The following CASZ1 variants were observed in gnomAD, a reference collection of about 807,000 sequenced individuals.
The protein encoded by CASZ1 is castor zinc finger 1.
Under a neutral mutation model 135.2 loss-of-function variants are expected in CASZ1, and 28 were observed. That is an observed-to-expected ratio of 0.21 (90% CI 0.15 to 0.28). CASZ1 has a LOEUF of 0.28. CASZ1 is among the 10% of genes least tolerant of loss of function. The pLI is 1.00. For synonymous variants in CASZ1, 1,068 were observed against 1,073.4 expected (o/e 0.99, Z 0.10); for missense variants, 2,161 against 2,453.3 (o/e 0.88, Z 2.52).
chr1:10,664,237 G>A (rs960271850), intron 5 of CASZ1, among the ~76,000 whole-genome samples: 2 of 152,156 alleles, frequency 1.3e-5, no homozygotes, highest in African/African-American at 2.4e-5. Flanking sequence ...CAGGGGAGGC[G>A]CAGGGCACCG....
intron 4 of CASZ1, among the ~76,000 whole-genome samples, chr1:10,682,690 G>A (rs1247266957): frequency 6.6e-6 from 1 of 152,072 alleles, no homozygotes; most frequent in Non-Finnish European, 1.5e-5. Context: ...TCTGTCCCTG[G>A]GCCCCCCAGG....
At chr1:10,665,641 GC>G (rs1474276220) in intron 4 of CASZ1, 70 bp from the exon 5 acceptor site, 1 of 1,439,106 alleles carries the variant, frequency 6.9e-7, no homozygotes. Context: ...CTCCCGAACA[GC>G]CCTGCATCCC....
intron 2 of CASZ1, among the ~76,000 whole-genome samples, chr1:10,713,368 A>T (rs1639321852): frequency 6.6e-6 from 1 of 152,178 alleles, no homozygotes; most frequent in African/African-American, 2.4e-5. Flanking sequence ...TCAAATCTTT[A>T]ATAAATAATT....
chr1:10,753,631 A>C (rs952727200), intron 2 of CASZ1, among the ~76,000 whole-genome samples: 1 of 152,156 alleles, frequency 6.6e-6, no homozygotes, highest in Non-Finnish European at 1.5e-5. Context: ...GCTTAAAGTG[A>C]CAAGACCCTG....
chr1:10,754,089 G>T (rs1002966588), intron 2 of CASZ1, among the ~76,000 whole-genome samples: 1 of 152,026 alleles, frequency 6.6e-6, no homozygotes, highest in South Asian at 2.1e-4. Context: ...TACAGATATC[G>T]ATTAGGTTGG....
chr1:10,705,118 C>T (rs1057308236), intron 3 of CASZ1, among the ~76,000 whole-genome samples: 1 of 152,222 alleles, frequency 6.6e-6, no homozygotes, highest in African/African-American at 2.4e-5. Flanking sequence ...CGTCCAGGCA[C>T]AGCCGGCCAC....
intron 5 of CASZ1, among the ~76,000 whole-genome samples, chr1:10,663,849 G>A (rs1017390347): frequency 2.0e-5 from 3 of 152,212 alleles, no homozygotes; most frequent in South Asian, 2.1e-4. Flanking sequence ...TGCCAGCCCC[G>A]CTCTCCACTC....
intron 1 of CASZ1, among the ~76,000 whole-genome samples, chr1:10,785,989 A>T (rs1180691386): frequency 6.6e-6 from 1 of 152,214 alleles, no homozygotes; most frequent in African/African-American, 2.4e-5. Flanking sequence ...CAAGTGGAGG[A>T]AACACAATTC....
intron 4 of CASZ1, among the ~76,000 whole-genome samples, chr1:10,689,410 G>A (rs1188061631): frequency 6.6e-6 from 1 of 152,220 alleles, no homozygotes; most frequent in African/African-American, 2.4e-5. Flanking sequence ...TGGGGCTGTG[G>A]GGGCTGGGGG....
chr1:10,792,330 C>CCG lies in CASZ1; in HGVS notation c.-234+4233_-234+4234insCG, dbSNP rs1640974063. ...ACATGGCTTACCCCTCCCCCCCGCCCCCCCCCCCCCGGCCCCGCACACAAA... is the reference window on the plus strand; with the variant it reads ...ACATGGCTTACCCCTCCCCCCCGCCCCGCCCCCCCCCCGGCCCCGCACACAAA... On this transcript the variant is annotated intron_variant, in intron 1 of 20. Transcript: ENST00000377022. Among the ~76,000 whole-genome samples, 5 of 26,148 alleles carry CCG rather than the reference C, an allele frequency of 1.9e-4. 1 individual carries two copies. The highest frequency in any genetic ancestry group is 5.4e-4 in the African/African-American group (4 of 7,376). The allele number at this position is 26,148 out of a possible 152,430, so 17.2% of individuals were successfully genotyped here.
intron 1 of CASZ1, 73 bp from the exon 2 acceptor site, chr1:10,760,930 G>C (rs1640361413): frequency 6.6e-6 from 1 of 152,232 alleles, no homozygotes; most frequent in Non-Finnish European, 1.5e-5. Context: ...CCACACTGGA[G>C]GACAAGGGAG....
intron 17 of CASZ1, among the ~76,000 whole-genome samples, 157 bp from the exon 18 acceptor site, chr1:10,645,245 G>C (rs553283221): frequency 1.4e-4 from 21 of 152,290 alleles, no homozygotes; most frequent in East Asian, 5.8e-4. Flanking sequence ...AAAAAGCAGC[G>C]CAGGGCCGGG....
intron 5 of CASZ1, among the ~76,000 whole-genome samples, chr1:10,663,017 T>C (rs1391680911): frequency 6.6e-6 from 1 of 152,218 alleles, no homozygotes; most frequent in Non-Finnish European, 1.5e-5. Context: ...ATGCCTCCCG[T>C]GTGCCATGCC....
rs916095500 is a variant in CASZ1 at position 10,707,662 on chromosome 1, TCTGGGACCCTGGGATA to T, written c.-76-2134_-76-2119del. Among the ~76,000 whole-genome samples, 10 of 152,090 alleles carry T rather than the reference TCTGGGACCCTGGGATA, an allele frequency of 6.6e-5. No individual in the cohort carries two copies. The highest frequency in any genetic ancestry group is 2.2e-4 in the African/African-American group (9 of 41,404). ...GCAGGGAAGCTGTCCCTGGGTGGGA[TCTGGGACCCTGGGATA>T]CTGGGACCCCAGTGGGGGCCTAAGA... On this transcript the variant is annotated intron_variant, in intron 2 of 20. Transcript: ENST00000377022. The surrounding 1 kb of genome is among the most constrained non-coding windows in gnomAD (Gnocchi z 5.0).
rs2124667895 is a variant in CASZ1, at chr1:10,642,790, C to T, written c.4162+69G>A. Reference sequence around the variant, plus strand: ...CGTGCCCCGGACCTTCTGTCCCAAGCTGCACCCAGCGGTGCTGGGCTTTGG... The same window carrying T: ...CGTGCCCCGGACCTTCTGTCCCAAGTTGCACCCAGCGGTGCTGGGCTTTGG... On this transcript the variant is annotated intron_variant, in intron 20 of 20. Transcript: ENST00000377022. 2.6e-6 allele frequency: 4 copies of T among 1,554,080 alleles called. No individual in the cohort carries two copies. In the East Asian group the frequency reaches 6.8e-5, roughly 27 times the overall value.
chr1:10,658,725 T>A, intron 6 of CASZ1, 149 bp from the exon 7 acceptor site: 2 of 679,778 alleles, frequency 2.9e-6, no homozygotes, highest in Admixed American at 2.3e-5. Context: ...ACTGAGGACA[T>A]CCCTGGCAGA....
intron 4 of CASZ1, among the ~76,000 whole-genome samples, chr1:10,677,419 G>A (rs1370859604): frequency 6.6e-6 from 1 of 152,168 alleles, no homozygotes; most frequent in African/African-American, 2.4e-5. Context: ...GGGCAAACAG[G>A]GAAGCAGCTG....
rs1641027175 is a variant in CASZ1, at chr1:10,794,528, A to ACGCACC, written c.-234+2030_-234+2035dup. 6.6e-6 allele frequency among the ~76,000 whole-genome samples: 1 copy of ACGCACC among 152,020 alleles called. No individual in the cohort carries two copies. Among genetic ancestry groups the ACGCACC allele is most frequent in the African/African-American group, 2.4e-5 (1 of 41,408 alleles). Reference sequence around the variant, plus strand: ...CGCTACTGCCGCTTTTCCGGTGGGCACGCACCCGCACCCGCACCGTAGCCA... The same window carrying ACGCACC: ...CGCTACTGCCGCTTTTCCGGTGGGCACGCACCCGCACCCGCACCCGCACCGTAGCCA... On this transcript the variant is annotated intron_variant, in intron 1 of 20. Coordinates refer to ENST00000377022, the MANE Select transcript of CASZ1 (RefSeq NM_001079843.3). This position sits in a 1 kb window ranked among gnomAD's most constrained non-coding sequence, Gnocchi z 5.6.
rs774757188 is a variant in CASZ1 at position 10,659,882 on chromosome 1, G to T, written c.1160C>A (p.Ala387Asp). 7 of 1,610,894 alleles carry T rather than the reference G, an allele frequency of 4.3e-6. No homozygotes were observed. The South Asian group carries it at 7.7e-5, about 18-fold the overall frequency. Reference protein sequence around the residue: ...DVRGIQKPGPAKVPPTPSLAP... With the variant: ...DVRGIQKPGPDKVPPTPSLAP... ...CAGGCTGGGGGTGGGCGGAACCTTG[G>T]CGGGGCCTGGCTTCTGGATGCCCCG... The change falls in exon 6 of 21, where the codon GCC (alanine) becomes GAC (aspartate). Residue 387 changes from alanine to aspartate, a missense_variant. Physicochemically the swap from Ala to Asp is moderately radical, Grantham distance 126 (BLOSUM62 -2). Transcript: ENST00000377022.
Sources: allele counts gnomAD v4.1 joint callset (sites outside exome capture counted in the v4.1 genomes callset), GRCh38; gene constraint gnomAD v4.1.1; non-coding constraint Gnocchi (gnomAD v3.1); transcripts MANE v1.5; gene names NCBI Gene and HGNC (gene_info 2026-07-23, HGNC 2026-07-21).